Variants in MATK observed in about 807,000 individuals in gnomAD.
MATK encodes megakaryocyte-associated tyrosine-protein kinase.
In MATK, 41 loss-of-function variants were observed where a neutral mutation model predicts 59.8. That is an observed-to-expected ratio of 0.69 (90% CI 0.53 to 0.89). MATK has a LOEUF of 0.89. MATK is among the 40% of genes least tolerant of loss of function. MATK has a pLI of 0.00. For missense variants in MATK, 593 were observed against 719.6 expected, an observed-to-expected ratio of 0.82 and a Z score of 2.01; for synonymous variants, 308 against 306.1, an observed-to-expected ratio of 1.01 and a Z score of -0.06.
intron 11 of MATK, 53 bp from the exon 12 acceptor site, chr19:3,779,240 G>T: frequency 6.5e-7 from 1 of 1,549,392 alleles, no homozygotes; most frequent in Non-Finnish European, 8.7e-7. Context: ...CCCACATTCA[G>T]GGCTCAGAAA....
rs2037482882 is a variant in MATK at position 3,786,281 on chromosome 19, C to T, written c.-264G>A. The T allele has an allele frequency of 1.0e-6, 1 of 985,040 alleles. No homozygotes were observed. The highest frequency in any genetic ancestry group is 1.2e-6 in the Non-Finnish European group (1 of 829,838). The allele number at this position is 985,040 out of a possible 1,614,324, so 61.0% of individuals were successfully genotyped here. The stretch of plus-strand genomic sequence containing the variant: ...GCTGCACAACTTGGAGCGAGTTGCT[C>T]CGTTTCCTCATTTTGGGGGCGAAGA... On this transcript the variant is annotated 5_prime_UTR_variant, in exon 1 of 14. Coordinates refer to ENST00000310132, the MANE Select transcript of MATK (RefSeq NM_139355.3). The surrounding 1 kb of genome is among the most constrained non-coding windows in gnomAD (Gnocchi z 4.1).
rs928956662 is a variant in MATK at position 3,779,559 on chromosome 19, A to G, written c.901T>C (p.Tyr301His). 2 of 1,611,810 alleles carry G rather than the reference A, an allele frequency of 1.2e-6. No homozygotes were observed. Among genetic ancestry groups the G allele is most frequent in the Non-Finnish European group, 8.5e-7 (1 of 1,179,526 alleles). Reference sequence around the variant, plus strand: ...TTGCTCACGTGCTCCATGACAATGTACAGCCCCTGGTGCAGGATCACGCCC... The same window carrying G: ...TTGCTCACGTGCTCCATGACAATGTGCAGCCCCTGGTGCAGGATCACGCCC... ...LLGVILHQGL[Y>H]IVMEHVSKGN... The change falls in exon 10 of 14, where the codon TAC (tyrosine) becomes CAC (histidine). Residue 301 changes from tyrosine (Y) to histidine (H), a missense_variant. Coordinates refer to ENST00000310132, the MANE Select transcript of MATK (RefSeq NM_139355.3).
At chr19:3,785,356 G>C (rs1166169172) in intron 1 of MATK, 70 bp from the exon 2 acceptor site, 1 of 1,095,714 alleles carries the variant, frequency 9.1e-7, no homozygotes, top group Admixed American at 2.8e-5. Flanking sequence ...ATCTCTGACC[G>C]TGGGGTGGAG....
At chr19:3,799,966 C>A (rs1377413184) in intron 1 of MATK, among the ~76,000 whole-genome samples, 2 of 151,598 alleles carry the variant, frequency 1.3e-5, no homozygotes. Flanking sequence ...CACGGTGAAA[C>A]CCCGTCTCTA....
At chr19:3,783,029 T>G (rs1599197847) in intron 7 of MATK, 97 bp downstream of exon 7, 16 of 1,067,426 alleles carry the variant, frequency 1.5e-5, no homozygotes, top group East Asian at 9.7e-5. Context: ...CAGGCTTGGG[T>G]GATCTGGCCT....
At position 3,784,163 on chromosome 19, in the gene MATK, C is replaced by G. The variant is rs758163608; in HGVS notation, c.323G>C (p.Arg108Pro). ...GLLAAGALRE[R>P]EALSADPKLS... ...CTTGGGGTCTGCGGAGAGGGCCTCCCGCTCCCGCAGCGCCCCAGCTGCCAG... is the reference window on the plus strand; with the variant it reads ...CTTGGGGTCTGCGGAGAGGGCCTCCGGCTCCCGCAGCGCCCCAGCTGCCAG... Residue 108 changes from arginine (R) to proline (P), a missense_variant, in exon 5 of 14, where the codon CGG becomes CCG. Arg to Pro is a moderately radical substitution (Grantham distance 103). Coordinates refer to ENST00000310132, the MANE Select transcript of MATK (RefSeq NM_139355.3). The G allele has an allele frequency of 6.2e-7, 1 of 1,613,172 alleles. No homozygotes were observed. The highest frequency in any genetic ancestry group is 8.5e-7 in the Non-Finnish European group (1 of 1,179,634).
intron 1 of MATK, among the ~76,000 whole-genome samples, chr19:3,798,570 T>TG (rs1478880611): frequency 8.5e-5 from 13 of 152,278 alleles, no homozygotes; most frequent in African/African-American, 2.9e-4. Flanking sequence ...TGGAGTGCAA[T>TG]GGCACAGTGT....
intron 1 of MATK, among the ~76,000 whole-genome samples, chr19:3,799,774 G>A (rs545676783): frequency 6.6e-6 from 1 of 152,150 alleles, no homozygotes; most frequent in South Asian, 2.1e-4. Context: ...CCAGGAGGCA[G>A]AGGTTGCAGT....
chr19:3,792,039 C>G (rs2037547683), intron 1 of MATK, among the ~76,000 whole-genome samples: 1 of 151,244 alleles, frequency 6.6e-6, no homozygotes, highest in South Asian at 2.1e-4. Flanking sequence ...ATCCAGGAGG[C>G]TGAGGTTGCA....
intron 1 of MATK, chr19:3,785,615 G>C (rs2037471520): frequency 5.1e-6 from 1 of 195,800 alleles, no homozygotes; most frequent in Non-Finnish European, 1.1e-5. Context: ...GTACTCACAC[G>C]CATACGGATG....
At chr19:3,788,658 G>T (rs773768125), upstream of MATK, among the ~76,000 whole-genome samples, 20 of 149,132 alleles carry the variant, frequency 1.3e-4, no homozygotes, top group Non-Finnish European at 2.5e-4. Flanking sequence ...ATGGGATCTG[G>T]CTATGTTGCC....
chr19:3,784,430 G>C lies in MATK; in HGVS notation c.154C>G (p.Gln52Glu). 1 of 1,599,866 alleles carries C rather than the reference G, an allele frequency of 6.3e-7. No homozygotes were observed. Residue 52 changes from glutamine (Q) to glutamate (E), a missense_variant, in exon 4 of 14, where the codon CAG becomes GAG. Gln to Glu is a conservative substitution (Grantham distance 29, BLOSUM62 2). Coordinates refer to ENST00000310132, the MANE Select transcript of MATK (RefSeq NM_139355.3). ...GTGTGCTCGCATTTGGTGATACACT[G>C]GGTGCCCGGGGCCCAGCGCCTCTGC... ...MPTRRWAPGT[Q>E]CITKCEHTRP...
intron 6 of MATK, 79 bp from the exon 7 acceptor site, chr19:3,783,298 C>G (rs2037427564): frequency 8.9e-6 from 1 of 112,054 alleles, no homozygotes; most frequent in Non-Finnish European, 2.0e-5. Context: ...CGGGTGGCCT[C>G]TGGGTGGGGT....
rs1458220545 is a variant in MATK, at chr19:3,779,714, C to T, written c.826G>A (p.Glu276Lys). 14 of 1,613,086 alleles carry T rather than the reference C, an allele frequency of 8.7e-6. No individual in the cohort carries two copies. Among genetic ancestry groups the T allele is most frequent in the Non-Finnish European group, 1.2e-5 (14 of 1,179,966 alleles). Residue 276 changes from glutamate to lysine, a missense_variant, in exon 9 of 14, where the codon GAG (glutamate) becomes AAG (lysine). Physicochemically the swap from Glu to Lys is moderately conservative, Grantham distance 56. Coordinates refer to ENST00000310132, the MANE Select transcript of MATK (RefSeq NM_139355.3). ...GGGACTCACGTCATGACGGCCGTCT[C>T]GTCCAGGAAGGCCTGGGCTGTCACA... ...CDVTAQAFLD[E>K]TAVMTKMQHE...
rs1029176359 is a variant in MATK, at chr19:3,779,087, C to T, written c.1102G>A (p.Val368Ile). 3.7e-6 allele frequency: 6 copies of T among 1,609,786 alleles called. No homozygotes were observed. In the African/African-American group the frequency reaches 8.0e-5, roughly 21 times the overall value. ...GCTTTGGCCAGGCCAAAGTCGCTGA[C>T]CTTGGCCACCAGGTCCTCTGAGACC... ...ILVSEDLVAK[V>I]SDFGLAKAER... Residue 368 changes from valine to isoleucine, a missense_variant, in exon 12 of 14, where the codon GTC becomes ATC. Transcript: ENST00000310132.
Position 3,779,688 on chromosome 19 carries a change from T to C in MATK, c.842+10A>G, listed in dbSNP as rs749309005. The C allele has an allele frequency of 5.6e-6, 9 of 1,611,214 alleles. No individual in the cohort carries two copies. Among genetic ancestry groups the C allele is most frequent in the Non-Finnish European group, 7.6e-6 (9 of 1,179,356 alleles). ...CGTCCCACGGTCCCCAGCCCCACCC[T>C]GGGACTCACGTCATGACGGCCGTCT... is the stretch of plus-strand genomic sequence containing the variant. On this transcript the variant is annotated intron_variant, in intron 9 of 13. Coordinates refer to ENST00000310132, the MANE Select transcript of MATK (RefSeq NM_139355.3).
At chr19:3,778,894 C>A (rs1010631824) in intron 12 of MATK, 98 bp downstream of exon 12, 2 of 1,256,606 alleles carry the variant, frequency 1.6e-6, no homozygotes, top group East Asian at 4.8e-5. Context: ...ATAGCCATTG[C>A]CCTTGGAGTT....
chr19:3,781,752 G>T, intron 7 of MATK, 80 bp from the exon 8 acceptor site: 1 of 1,108,818 alleles, frequency 9.0e-7, no homozygotes, highest in Non-Finnish European at 1.4e-6. Context: ...TGAGAGACTA[G>T]GTGATGTCTC....
Position 3,778,168 on chromosome 19 carries a change from C to T in MATK, c.*15G>A, listed in dbSNP as rs916373977. 6.5e-6 allele frequency: 10 copies of T among 1,543,164 alleles called. No individual in the cohort carries two copies. Among genetic ancestry groups the T allele is most frequent in the Non-Finnish European group, 8.7e-6 (10 of 1,149,470 alleles). On this transcript the variant is annotated 3_prime_UTR_variant, in exon 14 of 14. Transcript: ENST00000310132. ...TCTCTCGGTCCTCTGGGGCCAAGGG[C>T]CCCACCGGGTGGGGTCAGGGCTCCT...
Sources: allele counts gnomAD v4.1 joint callset (sites outside exome capture counted in the v4.1 genomes callset), GRCh38; gene constraint gnomAD v4.1.1; non-coding constraint Gnocchi (gnomAD v3.1); transcripts MANE v1.5; gene names NCBI Gene and HGNC (gene_info 2026-07-23, HGNC 2026-07-21).